AOPEP: variants seen among roughly 807,000 people sequenced by gnomAD.
The protein encoded by AOPEP is aminopeptidase O.
In AOPEP, 77 loss-of-function variants were observed where a neutral mutation model predicts 98.1. The observed-to-expected ratio is 0.78, with a 90% CI of 0.65 to 0.95. The LOEUF is 0.95. Ranked by LOEUF, AOPEP falls within the 40% of genes least tolerant of loss-of-function variation. AOPEP has a pLI of 0.00. For missense variants in AOPEP, 1,024 were observed against 1,024.7 expected, an observed-to-expected ratio of 1.00 and a Z score of 0.01; for synonymous variants, 346 against 365.3, an observed-to-expected ratio of 0.95 and a Z score of 0.60.
At chr9:94,964,878 A>G (rs943724750) in intron 9 of AOPEP, among the ~76,000 whole-genome samples, 3 of 151,996 alleles carry the variant, frequency 2.0e-5, no homozygotes, top group Non-Finnish European at 2.9e-5. Flanking sequence ...TTACCTTGTG[A>G]TCTGCCCGCC....
intron 5 of AOPEP, among the ~76,000 whole-genome samples, chr9:94,905,121 C>T (rs969697549): frequency 3.3e-5 from 5 of 152,106 alleles, no homozygotes. Context: ...CAACAGATAT[C>T]GTATTGATGG....
At chr9:94,885,812 A>AT (rs1369684872) in intron 5 of AOPEP, among the ~76,000 whole-genome samples, 2 of 152,152 alleles carry the variant, frequency 1.3e-5, no homozygotes, top group African/African-American at 2.4e-5. Context: ...CCTAAACATT[A>AT]TTTTTTCTGA....
At chr9:94,792,330 G>C (rs1376775654) in intron 3 of AOPEP, among the ~76,000 whole-genome samples, 1 of 152,160 alleles carries the variant, frequency 6.6e-6, no homozygotes, top group Non-Finnish European at 1.5e-5. Flanking sequence ...ATTTGGACAA[G>C]ATAGTTACAG....
At chr9:94,778,395 G>T (rs1050424576) in intron 3 of AOPEP, among the ~76,000 whole-genome samples, 3 of 150,900 alleles carry the variant, frequency 2.0e-5, no homozygotes, top group Admixed American at 2.0e-4. Flanking sequence ...ACTGTAGATG[G>T]ATAAACAAAT....
At chr9:95,061,419 C>A (rs1160025492) in intron 14 of AOPEP, among the ~76,000 whole-genome samples, 1 of 152,072 alleles carries the variant, frequency 6.6e-6, no homozygotes, top group Non-Finnish European at 1.5e-5. Context: ...AACAGAAAAC[C>A]TCTTTTATAT....
chr9:94,809,068 A>G lies in AOPEP; in HGVS notation c.1364+8066A>G, dbSNP rs1160296433. 2.6e-5 allele frequency among the ~76,000 whole-genome samples: 4 copies of G among 152,358 alleles called. No individual in the cohort carries two copies. In the South Asian group the frequency reaches 6.2e-4, roughly 24 times the overall value. On this transcript the variant is annotated intron_variant, in intron 5 of 16. Coordinates refer to ENST00000375315, the MANE Select transcript of AOPEP (RefSeq NM_001193329.3). ...ACTCGACAAACATGTATCAACGGAC[A>G]GGTGTGATGAATGCTGATGATGCTG...
chr9:94,808,785 C>T lies in AOPEP; in HGVS notation c.1364+7783C>T, dbSNP rs1849817232. 2.0e-5 allele frequency among the ~76,000 whole-genome samples: 3 copies of T among 152,370 alleles called. No homozygotes were observed. The South Asian group carries it at 6.2e-4, about 32-fold the overall frequency. On this transcript the variant is annotated intron_variant, in intron 5 of 16. Coordinates refer to ENST00000375315, the MANE Select transcript of AOPEP (RefSeq NM_001193329.3). ...TGGGGTAGGCAAGGAGGAGGAGGTGCTCCTGTGAGCCTGGTCCTACCCACC... is the reference window on the plus strand; with the variant it reads ...TGGGGTAGGCAAGGAGGAGGAGGTGTTCCTGTGAGCCTGGTCCTACCCACC...
chr9:94,792,705 T>C (rs747295407), intron 3 of AOPEP, 60 bp from the exon 4 acceptor site: 33 of 1,404,038 alleles, frequency 2.4e-5, no homozygotes, highest in African/African-American at 4.3e-5. Context: ...GAAGAAATTA[T>C]ACAGCAGAGC....
intron 2 of AOPEP, among the ~76,000 whole-genome samples, chr9:94,768,321 CT>C (rs1159740624): frequency 1.3e-5 from 2 of 152,106 alleles, no homozygotes; most frequent in Admixed American, 6.5e-5. Context: ...ACTTGATGGA[CT>C]GTAGTGGAAC....
the AOPEP span, chr9:95,109,589 G>C: frequency 6.6e-6 from 1 of 152,134 alleles, no homozygotes; most frequent in Non-Finnish European, 1.5e-5. Context: ...GGAAAGGGTG[G>C]CTTGCCCATG....
chr9:95,007,661 A>G (rs1047957502), intron 13 of AOPEP, among the ~76,000 whole-genome samples: 2 of 152,224 alleles, frequency 1.3e-5, no homozygotes, highest in Admixed American at 6.5e-5. Flanking sequence ...TTTCAGAGTC[A>G]TATCAGAGAA....
In AOPEP at chr9:94,867,519, G is replaced by A. The variant is rs72748519; in HGVS notation, c.1365-56467G>A. On this transcript the variant is annotated intron_variant, in intron 5 of 16. Coordinates refer to ENST00000375315, the MANE Select transcript of AOPEP (RefSeq NM_001193329.3). Reference sequence around the variant, plus strand: ...GTATCTGAGGCATTCTTCCTACTTTGCGTAGCCCATATTATTTGAATGTAC... The same window carrying A: ...GTATCTGAGGCATTCTTCCTACTTTACGTAGCCCATATTATTTGAATGTAC... 5.3e-3 allele frequency among the ~76,000 whole-genome samples: 806 copies of A among 152,312 alleles called. 13 individuals carry two copies. Among genetic ancestry groups the A allele is most frequent in the South Asian group, 0.044 (214 of 4,822 alleles).
chr9:94,932,220 G>A, intron 7 of AOPEP: 1 of 986,720 alleles, frequency 1.0e-6, no homozygotes. Flanking sequence ...AAGTATGCTT[G>A]GTCCAAGCAT....
chr9:95,043,476 AAAG>A (rs1461418541), intron 13 of AOPEP, among the ~76,000 whole-genome samples: 1 of 152,210 alleles, frequency 6.6e-6, no homozygotes, highest in Non-Finnish European at 1.5e-5. Context: ...TTTCTATTTA[AAAG>A]AATGATTCAG....
chr9:94,946,979 CT>C (rs751615583), intron 7 of AOPEP, among the ~76,000 whole-genome samples: 231 of 141,604 alleles, frequency 1.6e-3, no homozygotes, highest in Non-Finnish European at 1.6e-3. Flanking sequence ...TTTTGTTATT[CT>C]TTTTTTTTTT....
chr9:95,108,544 G>A, the AOPEP span, among the ~76,000 whole-genome samples: 7 of 152,166 alleles, frequency 4.6e-5, no homozygotes, highest in African/African-American at 7.2e-5. Flanking sequence ...TTCAGAGGCC[G>A]TCCATGCTCA....
intron 5 of AOPEP, among the ~76,000 whole-genome samples, chr9:94,805,184 C>A (rs974331048): frequency 7.0e-6 from 1 of 143,074 alleles, no homozygotes; most frequent in African/African-American, 2.6e-5. Flanking sequence ...TTTTTTTTTT[C>A]TTGGGACCGT....
chr9:95,073,759 T>C (rs772757941), intron 14 of AOPEP, among the ~76,000 whole-genome samples: 2 of 152,142 alleles, frequency 1.3e-5, no homozygotes, highest in Non-Finnish European at 2.9e-5. Flanking sequence ...CTTGGGAGGC[T>C]GAGGCAGGAG....
intron 9 of AOPEP, among the ~76,000 whole-genome samples, chr9:94,967,067 A>G (rs1419554966): frequency 1.3e-5 from 2 of 152,148 alleles, no homozygotes; most frequent in African/African-American, 4.8e-5. Context: ...ATTGATGGGT[A>G]TGTGAAAGTT....
Sources: allele counts gnomAD v4.1 joint callset (sites outside exome capture counted in the v4.1 genomes callset), GRCh38; gene constraint gnomAD v4.1.1; transcripts MANE v1.5; gene names NCBI Gene and HGNC (gene_info 2026-07-23, HGNC 2026-07-21).